The following PLEKHM3 variants were observed in gnomAD, a reference collection of about 807,000 sequenced individuals.
The protein encoded by PLEKHM3 is pleckstrin homology domain-containing family M member 3.
PLEKHM3 carries 45 observed loss-of-function variants against 81.8 expected under a neutral mutation model. The observed-to-expected ratio is 0.55, with a 90% CI of 0.43 to 0.71. PLEKHM3 has a LOEUF of 0.71. PLEKHM3 is among the 30% of genes least tolerant of loss of function. PLEKHM3 has a pLI of 0.00. For missense variants in PLEKHM3, 788 were observed against 924.3 expected (o/e 0.85, Z 1.91); for synonymous variants, 352 against 356.4 (o/e 0.99, Z 0.14).
chr2:207,947,692 A>T (rs1690181027), intron 3 of PLEKHM3, among the ~76,000 whole-genome samples: 1 of 152,242 alleles, frequency 6.6e-6, no homozygotes, highest in African/African-American at 2.4e-5. Context: ...GCAAAAATGA[A>T]TTACTCTTTC....
intron 7 of PLEKHM3, among the ~76,000 whole-genome samples, chr2:207,835,261 A>G (rs1176442492): frequency 6.6e-6 from 1 of 152,134 alleles, no homozygotes; most frequent in Admixed American, 6.5e-5. Context: ...CAACTTCTGC[A>G]ATAAAAAGGA....
chr2:207,977,029 T>C lies in PLEKHM3; in HGVS notation c.1168A>G (p.Met390Val). 6.2e-7 allele frequency: 1 copy of C among 1,614,200 alleles called. No individual in the cohort carries two copies. Among genetic ancestry groups the C allele is most frequent in the Non-Finnish European group, 8.5e-7 (1 of 1,180,040 alleles). The change falls in exon 3 of 8, where the codon ATG becomes GTG. Residue 390 changes from methionine to valine, a missense_variant. Physicochemically the swap from Met to Val is conservative, Grantham distance 21. Coordinates refer to ENST00000427836, the MANE Select transcript of PLEKHM3 (RefSeq NM_001080475.3). ...FTFVLSRAYL[M>V]AFQPGKLDED... ...TCTAGCTTGCCAGGCTGAAAAGCCATAAGGTAAGCCCTGCTCAGCACAAAT... is the reference window on the plus strand; with the variant it reads ...TCTAGCTTGCCAGGCTGAAAAGCCACAAGGTAAGCCCTGCTCAGCACAAAT...
intron 4 of PLEKHM3, among the ~76,000 whole-genome samples, chr2:207,933,655 C>G (rs1054417865): frequency 3.3e-5 from 5 of 151,978 alleles, no homozygotes; most frequent in Non-Finnish European, 5.9e-5. Context: ...GTACTTAAGC[C>G]CGAAAGGAAG....
At chr2:207,987,988 T>C (rs547618427) in intron 2 of PLEKHM3, among the ~76,000 whole-genome samples, 13 of 152,348 alleles carry the variant, frequency 8.5e-5, no homozygotes, top group Non-Finnish European at 1.5e-4. Flanking sequence ...CTAGCTTTCT[T>C]GAGCAAGAGA....
intron 3 of PLEKHM3, among the ~76,000 whole-genome samples, chr2:207,960,290 G>A (rs567738683): frequency 6.6e-6 from 1 of 152,060 alleles, no homozygotes; most frequent in South Asian, 2.1e-4. Flanking sequence ...AAGAGGACAT[G>A]ATGGCCTTCA....
At chr2:207,882,805 C>T (rs1240972863) in intron 6 of PLEKHM3, among the ~76,000 whole-genome samples, 1 of 152,076 alleles carries the variant, frequency 6.6e-6, no homozygotes, top group Non-Finnish European at 1.5e-5. Context: ...CATTCTCAGC[C>T]AGTAATTACA....
chr2:207,988,540 A>G (rs1280775988), intron 2 of PLEKHM3, among the ~76,000 whole-genome samples: 2 of 152,192 alleles, frequency 1.3e-5, no homozygotes, highest in African/African-American at 4.8e-5. Flanking sequence ...CTTCCTTGCT[A>G]TAGCAGACCC....
intron 1 of PLEKHM3, among the ~76,000 whole-genome samples, chr2:208,016,670 T>TACACACACACACACACACACACAC (rs370576889): frequency 4.9e-4 from 32 of 65,048 alleles, no homozygotes; most frequent in African/African-American, 1.2e-3. Context: ...AAAAAAAAAA[T>TACACACACACACACACACACACAC]ACACACACAC....
At chr2:207,861,818 T>C (rs1458168286) in intron 6 of PLEKHM3, among the ~76,000 whole-genome samples, 2 of 152,212 alleles carry the variant, frequency 1.3e-5, no homozygotes, top group Non-Finnish European at 2.9e-5. Context: ...TTTCAGCCTG[T>C]AGGTTTTTTT....
intron 1 of PLEKHM3, among the ~76,000 whole-genome samples, chr2:208,002,699 A>T (rs1022591484): frequency 6.6e-6 from 1 of 152,196 alleles, no homozygotes; most frequent in Non-Finnish European, 1.5e-5. Context: ...ACCTGGGCAG[A>T]AAGAATCCTA....
chr2:207,994,246 T>A (rs1691997041), intron 2 of PLEKHM3, among the ~76,000 whole-genome samples: 1 of 152,224 alleles, frequency 6.6e-6, no homozygotes, highest in African/African-American at 2.4e-5. Context: ...CTGTATTTCA[T>A]ATATATGTTC....
chr2:207,949,957 A>G (rs903018331), intron 3 of PLEKHM3, among the ~76,000 whole-genome samples: 1 of 152,228 alleles, frequency 6.6e-6, no homozygotes, highest in African/African-American at 2.4e-5. Context: ...GAAAGCCTAT[A>G]GCCTAAGAAT....
At chr2:207,952,549 T>G (rs954104847) in intron 3 of PLEKHM3, among the ~76,000 whole-genome samples, 75 of 152,372 alleles carry the variant, frequency 4.9e-4, no homozygotes, top group African/African-American at 1.4e-3. Flanking sequence ...ATTTTGAACC[T>G]GTACTTTAAA....
chr2:207,941,283 T>C (rs942541456), intron 4 of PLEKHM3, among the ~76,000 whole-genome samples: 1 of 152,038 alleles, frequency 6.6e-6, no homozygotes, highest in Admixed American at 6.5e-5. Flanking sequence ...CATACACACA[T>C]AGACCAATGG....
rs2092242394 is a variant in PLEKHM3, at chr2:207,825,322, G to A, written c.*2997C>T. The A allele has an allele frequency of 6.6e-6, 1 of 152,192 alleles. No individual in the cohort carries two copies. Among genetic ancestry groups the A allele is most frequent in the Non-Finnish European group, 1.5e-5 (1 of 68,040 alleles). 9.4% of individuals were successfully genotyped at this position (152,192 alleles called of 1,614,324 possible). A position where few individuals can be genotyped will look rare whatever the true frequency, so the allele number is the denominator to read the frequency against. On this transcript the variant is annotated 3_prime_UTR_variant, in exon 8 of 8. Transcript: ENST00000427836. ...TTCCTCAAGTGATACACTAGGGAATGAGCCTTTCAGCAAAAAGCGGTTCCC... is the reference window on the plus strand; with the variant it reads ...TTCCTCAAGTGATACACTAGGGAATAAGCCTTTCAGCAAAAAGCGGTTCCC...
At chr2:207,871,514 T>A (rs192655014) in intron 6 of PLEKHM3, among the ~76,000 whole-genome samples, 107 of 152,346 alleles carry the variant, frequency 7.0e-4, no homozygotes, top group Non-Finnish European at 1.5e-4. Context: ...TGCTCTCTGC[T>A]GGAAACTAGG....
chr2:207,876,403 A>C (rs1441680522), intron 6 of PLEKHM3, among the ~76,000 whole-genome samples: 1 of 152,136 alleles, frequency 6.6e-6, no homozygotes, highest in African/African-American at 2.4e-5. Context: ...TTTTGGTTTT[A>C]GATGACCTGT....
At chr2:208,014,873 C>T (rs1220734092) in intron 1 of PLEKHM3, among the ~76,000 whole-genome samples, 2 of 152,188 alleles carry the variant, frequency 1.3e-5, no homozygotes, top group Non-Finnish European at 2.9e-5. Context: ...ATAGCTGGGA[C>T]TCAAATAGTT....
intron 6 of PLEKHM3, among the ~76,000 whole-genome samples, chr2:207,883,089 G>A (rs563758179): frequency 7.2e-5 from 11 of 152,258 alleles, no homozygotes; most frequent in African/African-American, 1.9e-4. Context: ...CACCTGTGAC[G>A]TTACCATTGG....
Sources: allele counts gnomAD v4.1 joint callset (sites outside exome capture counted in the v4.1 genomes callset), GRCh38; gene constraint gnomAD v4.1.1; transcripts MANE v1.5; gene names NCBI Gene and HGNC (gene_info 2026-07-23, HGNC 2026-07-21).